DNER: variants seen among roughly 807,000 people sequenced by gnomAD.
The protein encoded by DNER is delta/notch like EGF repeat containing.
A neutral mutation model predicts 78.2 loss-of-function variants in DNER; 33 were observed. That is an observed-to-expected ratio of 0.42 (90% CI 0.32 to 0.56). The LOEUF (loss-of-function observed/expected upper bound fraction) is 0.56, where lower values mean the gene tolerates loss of function less well. DNER is among the 20% of genes least tolerant of loss of function. The probability of loss-of-function intolerance (pLI) is 0.11; values close to 1 mark genes in which losing one functional copy is unlikely to be tolerated. For missense variants in DNER, 918 were observed against 975.3 expected (o/e 0.94, Z 0.78); for synonymous variants, 417 against 384.8 (o/e 1.08, Z -0.98).
intron 5 of DNER, among the ~76,000 whole-genome samples, chr2:229,520,341 A>G (rs755396129): frequency 1.1e-4 from 17 of 152,226 alleles, no homozygotes; most frequent in Non-Finnish European, 2.1e-4. Context: ...TCCCAAGCCA[A>G]GAGGCGACTA....
chr2:229,654,900 C>G (rs1338521180), intron 1 of DNER, among the ~76,000 whole-genome samples: 1 of 152,068 alleles, frequency 6.6e-6, no homozygotes, highest in Non-Finnish European at 1.5e-5. Flanking sequence ...GGTGACCCAA[C>G]TAGAAGTGTT....
At chr2:229,410,687 C>A (rs1185384213) in intron 9 of DNER, among the ~76,000 whole-genome samples, 1 of 152,154 alleles carries the variant, frequency 6.6e-6, no homozygotes, top group Non-Finnish European at 1.5e-5. Flanking sequence ...AGAAATGTTT[C>A]TAAAAAGACT....
chr2:229,701,595 A>G (rs1312845574), intron 1 of DNER, among the ~76,000 whole-genome samples: 1 of 152,250 alleles, frequency 6.6e-6, no homozygotes, highest in Non-Finnish European at 1.5e-5. Flanking sequence ...GTATTCAACC[A>G]GCTGCTTCTT....
At chr2:229,708,439 G>A (rs915116194) in intron 1 of DNER, among the ~76,000 whole-genome samples, 2 of 152,252 alleles carry the variant, frequency 1.3e-5, no homozygotes, top group African/African-American at 2.4e-5. Context: ...CTAATGTGGG[G>A]AAGCAGAGGA....
intron 1 of DNER, among the ~76,000 whole-genome samples, chr2:229,592,502 A>C (rs1442305713): frequency 2.6e-5 from 4 of 152,116 alleles, no homozygotes; most frequent in African/African-American, 9.7e-5. Flanking sequence ...AATTTTATGA[A>C]ATTTTTTATT....
chr2:229,439,843 C>T (rs1574843992), intron 8 of DNER, among the ~76,000 whole-genome samples: 1 of 135,022 alleles, frequency 7.4e-6, no homozygotes, highest in Admixed American at 7.0e-5. Flanking sequence ...TTGCAACTTT[C>T]ATTCCAGGCA....
At chr2:229,529,283 A>T (rs946339147) in intron 5 of DNER, among the ~76,000 whole-genome samples, 3 of 152,162 alleles carry the variant, frequency 2.0e-5, no homozygotes, top group Non-Finnish European at 4.4e-5. Context: ...CAATGAAAAT[A>T]ATTCAAGCTT....
intron 10 of DNER, 125 bp from the exon 11 acceptor site, chr2:229,388,521 T>C (rs1450931606): frequency 4.2e-6 from 5 of 1,180,372 alleles, no homozygotes; most frequent in Non-Finnish European, 5.4e-6. Flanking sequence ...CAACCTGCTG[T>C]TTGTATAAAG....
chr2:229,630,696 A>G (rs1318484776), intron 1 of DNER, among the ~76,000 whole-genome samples: 2 of 152,218 alleles, frequency 1.3e-5, no homozygotes, highest in Admixed American at 6.5e-5. Flanking sequence ...TTACAAGGAC[A>G]TATGCGATGC....
intron 1 of DNER, among the ~76,000 whole-genome samples, chr2:229,622,650 C>A (rs1698269804): frequency 1.3e-5 from 2 of 152,050 alleles, no homozygotes; most frequent in African/African-American, 4.8e-5. Context: ...GAAACAGGGT[C>A]TTTGTGGACA....
At chr2:229,504,677 G>A (rs1265844417) in intron 6 of DNER, among the ~76,000 whole-genome samples, 1 of 152,162 alleles carries the variant, frequency 6.6e-6, no homozygotes, top group African/African-American at 2.4e-5. Flanking sequence ...TGGAAATGCT[G>A]AAGGGATTAC....
At chr2:229,421,388 C>T (rs910031063) in intron 8 of DNER, among the ~76,000 whole-genome samples, 6 of 151,694 alleles carry the variant, frequency 4.0e-5, no homozygotes, top group African/African-American at 1.5e-4. Context: ...GTAATGTATA[C>T]TTAAACATTT....
intron 1 of DNER, among the ~76,000 whole-genome samples, chr2:229,708,558 G>C (rs1699863413): frequency 6.6e-6 from 1 of 152,202 alleles, no homozygotes; most frequent in African/African-American, 2.4e-5. Flanking sequence ...AAGCAGCTCT[G>C]ACCACAGCTG....
intron 4 of DNER, among the ~76,000 whole-genome samples, chr2:229,584,695 C>T (rs1697466260): frequency 6.6e-6 from 1 of 151,860 alleles, no homozygotes; most frequent in Admixed American, 6.6e-5. Flanking sequence ...TTTTGGGAGG[C>T]CGAGGCGGGT....
chr2:229,536,764 T>C (rs992601623), intron 5 of DNER, among the ~76,000 whole-genome samples: 1 of 152,228 alleles, frequency 6.6e-6, no homozygotes, highest in Non-Finnish European at 1.5e-5. Context: ...GACATGAGTA[T>C]CTCTCCTCTT....
chr2:229,427,812 C>T (rs964551981), intron 8 of DNER, among the ~76,000 whole-genome samples: 1 of 152,138 alleles, frequency 6.6e-6, no homozygotes, highest in Non-Finnish European at 1.5e-5. Flanking sequence ...CATGGTGGCT[C>T]ACGCCTGTAA....
chr2:229,658,557 C>A (rs1397664452), intron 1 of DNER, among the ~76,000 whole-genome samples: 1 of 152,190 alleles, frequency 6.6e-6, no homozygotes, highest in Non-Finnish European at 1.5e-5. Context: ...AACATGAATT[C>A]ATTCATTCAG....
chr2:229,418,268 C>T (rs1358995211), intron 8 of DNER, 38 bp from the exon 9 acceptor site: 1 of 1,612,544 alleles, frequency 6.2e-7, no homozygotes, highest in African/African-American at 1.3e-5. Flanking sequence ...TCAAATGCAT[C>T]CCATTTACAA....
At chr2:229,441,646 A>G (rs1694237109) in intron 8 of DNER, among the ~76,000 whole-genome samples, 1 of 152,220 alleles carries the variant, frequency 6.6e-6, no homozygotes. Context: ...ATGTGACACT[A>G]AGAACTGAGA....
Sources: allele counts gnomAD v4.1 joint callset (sites outside exome capture counted in the v4.1 genomes callset), GRCh38; gene constraint gnomAD v4.1.1; transcripts MANE v1.5; gene names NCBI Gene and HGNC (gene_info 2026-07-23, HGNC 2026-07-21).